ZNF503: variants seen among roughly 807,000 people sequenced by gnomAD.
The protein encoded by ZNF503 is NocA-like zinc finger 2.
Under a neutral mutation model 34.4 loss-of-function variants are expected in ZNF503, and 15 were observed. The ratio of observed to expected loss-of-function variants is 0.44; its 90% CI spans 0.29 to 0.67. The LOEUF is 0.67. ZNF503 is among the 30% of genes least tolerant of loss of function. The pLI, the probability that ZNF503 is intolerant of heterozygous loss-of-function variation, is 0.13. For missense variants in ZNF503, 1,007 were observed against 926.8 expected (o/e 1.09, Z -1.12); for synonymous variants, 580 against 456.8 (o/e 1.27, Z -3.44).
chr10:75,326,508 C>T, the ZNF503 span, among the ~76,000 whole-genome samples: 3 of 152,018 alleles, frequency 2.0e-5, no homozygotes, highest in Middle Eastern at 3.2e-3. Context: ...GATGAGTTGG[C>T]AATTATTTTT....
the ZNF503 span, among the ~76,000 whole-genome samples, chr10:75,309,139 G>A: frequency 4.6e-5 from 7 of 152,186 alleles, no homozygotes; most frequent in Non-Finnish European, 8.8e-5. Context: ...ACCATGCCTG[G>A]CTGAGTAGTT....
At chr10:75,334,986 G>A in the ZNF503 span, among the ~76,000 whole-genome samples, 8 of 152,108 alleles carry the variant, frequency 5.3e-5, no homozygotes, top group African/African-American at 9.7e-5. Flanking sequence ...CAAGGAGGTC[G>A]GTCTGATATG....
chr10:75,380,143 AAC>A, the ZNF503 span, among the ~76,000 whole-genome samples: 2 of 152,196 alleles, frequency 1.3e-5, no homozygotes, highest in Admixed American at 1.3e-4. Flanking sequence ...AGGGAAGAAC[AAC>A]AGAGATGGAA....
At chr10:75,286,305 C>T in the ZNF503 span, among the ~76,000 whole-genome samples, 6 of 150,802 alleles carry the variant, frequency 4.0e-5, no homozygotes, top group Admixed American at 2.0e-4. Flanking sequence ...AAAAAAGAGC[C>T]TGGAGCTAAG....
the ZNF503 span, among the ~76,000 whole-genome samples, chr10:75,306,667 C>G: frequency 6.6e-6 from 1 of 152,222 alleles, no homozygotes. Flanking sequence ...ATCAAGCAAG[C>G]CTATCAGAAC....
chr10:75,386,722 A>G, the ZNF503 span, among the ~76,000 whole-genome samples: 3 of 152,192 alleles, frequency 2.0e-5, no homozygotes, highest in Admixed American at 6.5e-5. Context: ...AGAACAAGAC[A>G]TGATCTTTCC....
chr10:75,303,144 T>C, the ZNF503 span, among the ~76,000 whole-genome samples: 1 of 152,306 alleles, frequency 6.6e-6, no homozygotes, highest in South Asian at 2.1e-4. Flanking sequence ...ATATTTTCAG[T>C]TCAAATTTCC....
At chr10:75,346,365 C>A in the ZNF503 span, among the ~76,000 whole-genome samples, 1 of 151,926 alleles carries the variant, frequency 6.6e-6, no homozygotes, top group Non-Finnish European at 1.5e-5. Context: ...TGAACAAGGG[C>A]TCCCTCTTTT....
At chr10:75,332,237 A>G in the ZNF503 span, among the ~76,000 whole-genome samples, 4 of 151,596 alleles carry the variant, frequency 2.6e-5, no homozygotes, top group African/African-American at 9.7e-5. Context: ...CTTTTGCTCT[A>G]TTTTCTCTCA....
the ZNF503 span, among the ~76,000 whole-genome samples, chr10:75,343,748 G>C: frequency 6.6e-6 from 1 of 152,204 alleles, no homozygotes; most frequent in Non-Finnish European, 1.5e-5. Context: ...GACTTGGTTT[G>C]TTTGAGAAAT....
the ZNF503 span, among the ~76,000 whole-genome samples, chr10:75,293,026 G>A: frequency 5.3e-5 from 8 of 152,238 alleles, no homozygotes; most frequent in Non-Finnish European, 7.3e-5. Context: ...AATCCGATGG[G>A]TTGCAGGGAT....
Position 75,398,667 on chromosome 10 carries a change from G to T in ZNF503, c.*82C>A. The T allele has an allele frequency of 8.0e-7, 1 of 1,256,248 alleles. No homozygotes were observed. The allele number at this position is 1,256,248 out of a possible 1,614,324, so 77.8% of individuals were successfully genotyped here. ...TCCTCCCCACGCGCGGGTGTCAGCA[G>T]CCTGGGCCGTGATCCCGCCTCTCCC... On this transcript the variant is annotated 3_prime_UTR_variant, in exon 2 of 2. Coordinates refer to ENST00000372524, the MANE Select transcript of ZNF503 (RefSeq NM_032772.6).
chr10:75,311,230 C>T, the ZNF503 span, among the ~76,000 whole-genome samples: 1 of 152,180 alleles, frequency 6.6e-6, no homozygotes, highest in East Asian at 1.9e-4. Context: ...CTAAACCAGT[C>T]TACTTTTTCC....
At chr10:75,377,206 C>T in the ZNF503 span, among the ~76,000 whole-genome samples, 7 of 152,318 alleles carry the variant, frequency 4.6e-5, no homozygotes, top group East Asian at 1.9e-4. Context: ...ACTCAGACTA[C>T]GCAGCTCCAG....
At chr10:75,310,542 AG>A in the ZNF503 span, among the ~76,000 whole-genome samples, 1 of 152,252 alleles carries the variant, frequency 6.6e-6, no homozygotes, top group African/African-American at 2.4e-5. Flanking sequence ...CCAGTAGCAA[AG>A]GCTAAGTGAG....
the ZNF503 span, among the ~76,000 whole-genome samples, chr10:75,345,691 G>A: frequency 1.3e-5 from 2 of 151,084 alleles, no homozygotes; most frequent in Non-Finnish European, 2.9e-5. Context: ...AAGGACCCCA[G>A]AGGGGAGCTC....
At chr10:75,350,825 A>G in the ZNF503 span, among the ~76,000 whole-genome samples, 1 of 152,276 alleles carries the variant, frequency 6.6e-6, no homozygotes, top group East Asian at 1.9e-4. Flanking sequence ...AAGTGCTAGG[A>G]TTACAGGCAT....
the ZNF503 span, among the ~76,000 whole-genome samples, chr10:75,371,783 A>G: frequency 3.9e-5 from 6 of 151,904 alleles, no homozygotes; most frequent in African/African-American, 1.5e-4. Context: ...AGACCAGGTA[A>G]TTTCCCTTAG....
chr10:75,364,535 G>A, the ZNF503 span, among the ~76,000 whole-genome samples: 5 of 152,250 alleles, frequency 3.3e-5, no homozygotes, highest in Admixed American at 2.0e-4. Flanking sequence ...AAATACACAA[G>A]TCTGGCAGCG....
Sources: allele counts gnomAD v4.1 joint callset (sites outside exome capture counted in the v4.1 genomes callset), GRCh38; gene constraint gnomAD v4.1.1; transcripts MANE v1.5; gene names NCBI Gene and HGNC (gene_info 2026-07-23, HGNC 2026-07-21).